ZC3H18: variants seen among roughly 807,000 people sequenced by gnomAD.
ZC3H18 encodes zinc finger CCCH domain-containing protein 18.
A neutral mutation model predicts 106.1 loss-of-function variants in ZC3H18; 8 were observed. That is an observed-to-expected ratio of 0.08 (90% CI 0.04 to 0.14). The LOEUF (loss-of-function observed/expected upper bound fraction) is 0.14. ZC3H18 is among the 10% of genes least tolerant of loss of function. The pLI is 1.00. For synonymous variants in ZC3H18, 635 were observed against 522.1 expected (o/e 1.22, Z -2.95); for missense variants, 1,318 against 1,278.4 (o/e 1.03, Z -0.47).
intron 9 of ZC3H18, chr16:88,622,640 A>T: frequency 2.0e-6 from 1 of 491,868 alleles, no homozygotes; most frequent in Middle Eastern, 5.4e-4. Context: ...GCTCCCAGGG[A>T]GTCACAGGCC....
intron 17 of ZC3H18, 109 bp from the exon 18 acceptor site, chr16:88,630,992 G>A: frequency 1.4e-6 from 2 of 1,406,990 alleles, no homozygotes; most frequent in Non-Finnish European, 2.0e-6. Flanking sequence ...CCCCTTGCCT[G>A]TCCTGGTGGC....
chr16:88,627,194 C>G lies in ZC3H18; in HGVS notation c.2109-428C>G, dbSNP rs1050756594. 3 of 155,334 alleles carry G rather than the reference C, an allele frequency of 1.9e-5. No homozygotes were observed. The highest frequency in any genetic ancestry group is 2.9e-5 in the Non-Finnish European group (2 of 70,104). The allele number at this position is 155,334 out of a possible 1,614,324, so 9.6% of individuals were successfully genotyped here. A position where few individuals can be genotyped will look rare whatever the true frequency, so the allele number is the denominator to read the frequency against. The stretch of plus-strand genomic sequence containing the variant: ...AAGCGATTTTTTTGCCTCAGCCTCC[C>G]CAGTAGCTGGGATTACAGGCGCCTG... On this transcript the variant is annotated intron_variant, in intron 13 of 17. Coordinates refer to ENST00000301011, the MANE Select transcript of ZC3H18 (RefSeq NM_144604.4). The surrounding 1 kb of genome is among the most constrained non-coding windows in gnomAD (Gnocchi z 4.5).
intron 8 of ZC3H18, among the ~76,000 whole-genome samples, chr16:88,613,466 G>A (rs1007731490): frequency 2.0e-5 from 3 of 152,174 alleles, no homozygotes; most frequent in Non-Finnish European, 2.9e-5. Flanking sequence ...CCCGCTAGCC[G>A]CATAGGAGGG....
chr16:88,624,452 G>A (rs1281495235), intron 11 of ZC3H18, 150 bp from the exon 12 acceptor site: 2 of 1,252,986 alleles, frequency 1.6e-6, no homozygotes, highest in Non-Finnish European at 2.2e-6. Flanking sequence ...ACACCGATGG[G>A]TGGGGAGCCG....
intron 15 of ZC3H18, 110 bp from the exon 16 acceptor site, chr16:88,628,648 A>G: frequency 2.6e-6 from 3 of 1,169,080 alleles, no homozygotes; most frequent in Non-Finnish European, 3.8e-6. Flanking sequence ...GTGTGGTGGG[A>G]CCTTTGGGAG....
rs1906359330 is a variant in ZC3H18, at chr16:88,627,105, T to C, written c.2109-517T>C. Reference sequence around the variant, plus strand: ...TTGTTTTGAGACGGAGTTTCACTCTTGTCGCCCAGGCTGGAGTGCGATGGC... The same window carrying C: ...TTGTTTTGAGACGGAGTTTCACTCTCGTCGCCCAGGCTGGAGTGCGATGGC... On this transcript the variant is annotated intron_variant, in intron 13 of 17. Coordinates refer to ENST00000301011, the MANE Select transcript of ZC3H18 (RefSeq NM_144604.4). This position sits in a 1 kb window ranked among gnomAD's most constrained non-coding sequence, Gnocchi z 4.5. The C allele has an allele frequency of 6.5e-6, 1 of 152,716 alleles. No individual in the cohort carries two copies. The highest frequency in any genetic ancestry group is 2.4e-5 in the African/African-American group (1 of 41,460). 9.5% of individuals were successfully genotyped at this position (152,716 alleles called of 1,614,324 possible). A position where few individuals can be genotyped will look rare whatever the true frequency, so the allele number is the denominator to read the frequency against.
At chr16:88,575,820 C>T (rs1229674998) in intron 1 of ZC3H18, among the ~76,000 whole-genome samples, 3 of 151,726 alleles carry the variant, frequency 2.0e-5, no homozygotes, top group African/African-American at 7.3e-5. Context: ...CTTAAGCGAT[C>T]CTCCTGCGTC....
chr16:88,594,156 G>C (rs1021664605), intron 3 of ZC3H18, among the ~76,000 whole-genome samples: 5 of 152,170 alleles, frequency 3.3e-5, no homozygotes, highest in African/African-American at 1.2e-4. Flanking sequence ...ATCGCATGCA[G>C]ATGGGAGGCC....
At chr16:88,618,494 C>T (rs1212938625) in intron 8 of ZC3H18, among the ~76,000 whole-genome samples, 3 of 152,320 alleles carry the variant, frequency 2.0e-5, no homozygotes, top group South Asian at 4.1e-4. Context: ...TCACCTTTGA[C>T]CCCAAACTTG....
chr16:88,612,015 T>TGCAGGG (rs1421566544), intron 8 of ZC3H18, among the ~76,000 whole-genome samples: 3 of 151,980 alleles, frequency 2.0e-5, no homozygotes, highest in African/African-American at 7.2e-5. Context: ...GCAGCCAGCA[T>TGCAGGG]GCAGGGGAGG....
intron 1 of ZC3H18, among the ~76,000 whole-genome samples, chr16:88,575,724 T>G (rs535967298): frequency 5.9e-5 from 9 of 151,722 alleles, no homozygotes; most frequent in South Asian, 2.1e-4. Flanking sequence ...GTTTTTTGAG[T>G]TTTTTTTGGA....
chr16:88,611,128 G>A (rs1263261297), intron 7 of ZC3H18, 140 bp from the exon 8 acceptor site: 4 of 677,866 alleles, frequency 5.9e-6, no homozygotes, highest in African/African-American at 5.4e-5. Flanking sequence ...GGAGCACTTG[G>A]CGTTTTGTGT....
intron 1 of ZC3H18, 34 bp from the exon 2 acceptor site, chr16:88,577,076 T>C (rs1460731827): frequency 1.3e-6 from 2 of 1,501,598 alleles, no homozygotes; most frequent in East Asian, 4.7e-5. Flanking sequence ...TCCATTTTGC[T>C]AAAGGCTGTC....
At position 88,586,120 on chromosome 16, in the gene ZC3H18, G is replaced by T. The variant is rs555684639; in HGVS notation, c.604-480G>T. Among the ~76,000 whole-genome samples, 3 of 152,264 alleles carry T rather than the reference G, an allele frequency of 2.0e-5. No homozygotes were observed. The East Asian group carries it at 5.8e-4, about 29-fold the overall frequency. On this transcript the variant is annotated intron_variant, in intron 2 of 17. Coordinates refer to ENST00000301011, the MANE Select transcript of ZC3H18 (RefSeq NM_144604.4). ...ACTTGACAGTCAGGGTGAGGAGCTGGTTGAGGATGAGCCTCAAGGCGGGCC... is the reference window on the plus strand; with the variant it reads ...ACTTGACAGTCAGGGTGAGGAGCTGTTTGAGGATGAGCCTCAAGGCGGGCC...
At position 88,627,418 on chromosome 16, in the gene ZC3H18, T is replaced by G; in HGVS notation, c.2109-204T>G. The G allele has an allele frequency of 1.8e-6, 1 of 544,448 alleles. No individual in the cohort carries two copies. The highest frequency in any genetic ancestry group is 3.1e-6 in the Non-Finnish European group (1 of 325,324). 33.7% of individuals were successfully genotyped at this position (544,448 alleles called of 1,614,324 possible). On this transcript the variant is annotated intron_variant, in intron 13 of 17. Coordinates refer to ENST00000301011, the MANE Select transcript of ZC3H18 (RefSeq NM_144604.4). This position sits in a 1 kb window ranked among gnomAD's most constrained non-coding sequence, Gnocchi z 4.5. ...GTGCCTGGCTGCAACCTGACATTGATTAGTGAAATGGGGCCCTGGCCTAGC... is the reference window on the plus strand; with the variant it reads ...GTGCCTGGCTGCAACCTGACATTGAGTAGTGAAATGGGGCCCTGGCCTAGC...
chr16:88,577,737 T>C lies in ZC3H18; in HGVS notation c.603+11T>C. ...GATGGGGAAATAGACGTGAGTATGATGGAGCAGAGCGTCGCGGGGCATCCT... is the reference window on the plus strand; with the variant it reads ...GATGGGGAAATAGACGTGAGTATGACGGAGCAGAGCGTCGCGGGGCATCCT... On this transcript the variant is annotated intron_variant, in intron 2 of 17. Coordinates refer to ENST00000301011, the MANE Select transcript of ZC3H18 (RefSeq NM_144604.4). 1 of 1,612,852 alleles carries C rather than the reference T, an allele frequency of 6.2e-7. No individual in the cohort carries two copies. The highest frequency in any genetic ancestry group is 8.5e-7 in the Non-Finnish European group (1 of 1,180,010).
At chr16:88,614,846 C>G (rs1180342203) in intron 8 of ZC3H18, among the ~76,000 whole-genome samples, 1 of 152,244 alleles carries the variant, frequency 6.6e-6, no homozygotes, top group Non-Finnish European at 1.5e-5. Flanking sequence ...CTGCCTTCTC[C>G]CCTGAGACCC....
chr16:88,599,976 G>A (rs781148938), intron 6 of ZC3H18, 28 bp downstream of exon 6: 163 of 1,610,540 alleles, frequency 1.0e-4, no homozygotes, highest in Non-Finnish European at 6.5e-5. Flanking sequence ...CTGCCCCTCC[G>A]TTTCCTTCCT....
intron 2 of ZC3H18, among the ~76,000 whole-genome samples, chr16:88,585,857 C>T (rs976822809): frequency 1.3e-5 from 2 of 151,966 alleles, no homozygotes; most frequent in African/African-American, 4.8e-5. Flanking sequence ...TGGAAGAGGC[C>T]GGGATCAGGC....
Sources: gnomAD v4.1 joint callset for allele counts (sites outside exome capture counted in the v4.1 genomes callset) on GRCh38, gnomAD v4.1.1 for gene constraint, Gnocchi (gnomAD v3.1) non-coding constraint, MANE v1.5 for transcripts, NCBI Gene and HGNC (gene_info 2026-07-23, HGNC 2026-07-21) for gene names.